The following ACTR3B variants were observed in gnomAD, a reference collection of about 807,000 sequenced individuals.
ACTR3B encodes actin-related protein 3B.
A neutral mutation model predicts 59.0 loss-of-function variants in ACTR3B; 8 were observed. The observed-to-expected ratio is 0.14, with a 90% CI of 0.08 to 0.24. The LOEUF (loss-of-function observed/expected upper bound fraction) is 0.24. ACTR3B is among the 10% of genes least tolerant of loss of function. ACTR3B has a pLI of 1.00. For synonymous variants in ACTR3B, 148 were observed against 197.9 expected (o/e 0.75, Z 2.12); for missense variants, 245 against 552.3 (o/e 0.44, Z 5.58).
chr7:152,829,138 C>T (rs1796825877), intron 9 of ACTR3B, among the ~76,000 whole-genome samples: 2 of 151,710 alleles, frequency 1.3e-5, no homozygotes, highest in Admixed American at 6.6e-5. Context: ...CAGGTATGTA[C>T]ATCGTGGAAT....
At chr7:152,795,435 T>C (rs939926669) in intron 2 of ACTR3B, among the ~76,000 whole-genome samples, 1 of 152,226 alleles carries the variant, frequency 6.6e-6, no homozygotes, top group Non-Finnish European at 1.5e-5. Context: ...TAATTGTATA[T>C]GTTTATTAAT....
At chr7:152,831,272 C>G (rs1797004160) in intron 9 of ACTR3B, among the ~76,000 whole-genome samples, 1 of 152,244 alleles carries the variant, frequency 6.6e-6, no homozygotes, top group African/African-American at 2.4e-5. Context: ...TGGCGGAGCT[C>G]TGCCACTGTG....
chr7:152,840,401 C>T (rs1797784300), intron 9 of ACTR3B, among the ~76,000 whole-genome samples: 1 of 152,216 alleles, frequency 6.6e-6, no homozygotes, highest in Non-Finnish European at 1.5e-5. Context: ...CCTCTAATTT[C>T]CCCTCAGACC....
chr7:152,825,486 T>G (rs886908257), intron 9 of ACTR3B, among the ~76,000 whole-genome samples: 1 of 151,968 alleles, frequency 6.6e-6, no homozygotes, highest in Non-Finnish European at 1.5e-5. Flanking sequence ...GAATTTTTTT[T>G]TTTGTATTTC....
chr7:152,826,196 A>C (rs1466183770), intron 9 of ACTR3B, among the ~76,000 whole-genome samples: 1 of 152,236 alleles, frequency 6.6e-6, no homozygotes, highest in Non-Finnish European at 1.5e-5. Flanking sequence ...ATCAATATAA[A>C]TTCAGATGAA....
intron 8 of ACTR3B, among the ~76,000 whole-genome samples, chr7:152,823,768 A>G (rs1796368068): frequency 6.6e-6 from 1 of 152,184 alleles, no homozygotes; most frequent in African/African-American, 2.4e-5. Context: ...ATAGATGACA[A>G]TAGAATTAAA....
At chr7:152,846,445 G>A (rs751427171) in intron 9 of ACTR3B, among the ~76,000 whole-genome samples, 2 of 147,174 alleles carry the variant, frequency 1.4e-5, no homozygotes, top group Non-Finnish European at 3.0e-5. Context: ...GTAGTGTGTA[G>A]TGAGCTCTAG....
chr7:152,853,826 C>G (rs548640889), intron 11 of ACTR3B, among the ~76,000 whole-genome samples: 52 of 152,158 alleles, frequency 3.4e-4, no homozygotes, highest in Non-Finnish European at 6.3e-4. Flanking sequence ...AAGCAATTCT[C>G]CAGCCTCAGC....
chr7:152,781,606 A>G (rs2098154266), intron 1 of ACTR3B, among the ~76,000 whole-genome samples: 1 of 152,104 alleles, frequency 6.6e-6, no homozygotes, highest in Admixed American at 6.5e-5. Context: ...AGATTTGATG[A>G]TTTTAGTGAT....
At chr7:152,797,058 G>A (rs1563102654) in intron 2 of ACTR3B, among the ~76,000 whole-genome samples, 1 of 151,448 alleles carries the variant, frequency 6.6e-6, no homozygotes, top group Admixed American at 6.6e-5. Context: ...CAGTCACAAG[G>A]ATTTAAAAAA....
At chr7:152,786,459 A>G (rs1333532507) in intron 2 of ACTR3B, 2 of 189,990 alleles carry the variant, frequency 1.1e-5, no homozygotes. Context: ...AGGCTGAGGC[A>G]GGAGACTCAC....
chr7:152,854,428 G>A lies in ACTR3B; in HGVS notation c.1162-30G>A. The A allele has an allele frequency of 1.3e-6, 2 of 1,596,436 alleles. No homozygotes were observed. Among genetic ancestry groups the A allele is most frequent in the Admixed American group, 1.7e-5 (1 of 59,982 alleles). On this transcript the variant is annotated intron_variant, in intron 11 of 11. Transcript: ENST00000256001. This position sits in a 1 kb window ranked among gnomAD's most constrained non-coding sequence, Gnocchi z 4.9. ...CCCTTGACTTTCTTCTGAAATGAGT[G>A]TCTTTCTGTCTGCCTGTTGCCTCTC...
intron 1 of ACTR3B, among the ~76,000 whole-genome samples, chr7:152,763,931 G>T (rs1032459606): frequency 6.6e-6 from 1 of 152,048 alleles, no homozygotes; most frequent in Admixed American, 6.5e-5. Context: ...GTTGTCAGTG[G>T]GTTATCTATT....
At chr7:152,820,639 T>C (rs4071561) in intron 7 of ACTR3B, among the ~76,000 whole-genome samples, 197 bp downstream of exon 7, 90,342 of 148,672 alleles carry the variant, frequency 0.61, 28,155 homozygotes, top group East Asian at 0.76. Flanking sequence ...CTTTGAGGTT[T>C]CAGCTGTCAC....
In ACTR3B at chr7:152,854,308, A is replaced by G; in HGVS notation, c.1162-150A>G. The G allele has an allele frequency of 1.5e-6, 1 of 665,342 alleles. No homozygotes were observed. Among genetic ancestry groups the G allele is most frequent in the Non-Finnish European group, 2.7e-6 (1 of 376,882 alleles). 41.2% of individuals were successfully genotyped at this position (665,342 alleles called of 1,614,324 possible). The stretch of plus-strand genomic sequence containing the variant: ...GAAATAACTCCCCATTTAGTAGTTT[A>G]GTACATCAGAGAGGTAAAATCTTGC... On this transcript the variant is annotated intron_variant, in intron 11 of 11. Coordinates refer to ENST00000256001, the MANE Select transcript of ACTR3B (RefSeq NM_020445.6). The surrounding 1 kb of genome is among the most constrained non-coding windows in gnomAD (Gnocchi z 4.9).
chr7:152,792,733 GCGATA>G (rs1327415843), intron 2 of ACTR3B, among the ~76,000 whole-genome samples: 1 of 152,040 alleles, frequency 6.6e-6, no homozygotes, highest in Non-Finnish European at 1.5e-5. Context: ...GGGTGACAGA[GCGATA>G]CTCCATCTCA....
In ACTR3B at chr7:152,812,019, C is replaced by CTTTTTTTTTT. The variant is rs1164677748; in HGVS notation, c.337-2511_337-2502dup. The CTTTTTTTTTT allele has an allele frequency of 5.8e-3, 135 of 23,376 alleles. 33 individuals are homozygous for CTTTTTTTTTT. Among genetic ancestry groups the CTTTTTTTTTT allele is most frequent in the East Asian group, 0.013 (5 of 390 alleles). 1.4% of individuals were successfully genotyped at this position (23,376 alleles called of 1,614,324 possible). The stretch of plus-strand genomic sequence containing the variant: ...TTCTTAATTCCCAGAAAATAAAAGT[C>CTTTTTTTTTT]TTTTTTTTTTTTTTTTTTTTTTTTT... On this transcript the variant is annotated intron_variant, in intron 4 of 11. Transcript: ENST00000256001.
intron 10 of ACTR3B, among the ~76,000 whole-genome samples, chr7:152,852,790 T>C (rs1195275617): frequency 1.3e-5 from 2 of 152,038 alleles, no homozygotes; most frequent in Non-Finnish European, 2.9e-5. Flanking sequence ...CAGTTTCTTT[T>C]CTTTTTTTTC....
intron 2 of ACTR3B, among the ~76,000 whole-genome samples, chr7:152,795,661 T>C (rs192120369): frequency 1.7e-3 from 255 of 152,346 alleles, no homozygotes; most frequent in African/African-American, 6.0e-3. Flanking sequence ...TTTTAATAGC[T>C]GAAAAACCAA....
Sources: allele counts gnomAD v4.1 joint callset (sites outside exome capture counted in the v4.1 genomes callset), GRCh38; gene constraint gnomAD v4.1.1; non-coding constraint Gnocchi (gnomAD v3.1); transcripts MANE v1.5; gene names NCBI Gene and HGNC (gene_info 2026-07-23, HGNC 2026-07-21).